The following STRN3 variants were observed in gnomAD, a reference collection of about 807,000 sequenced individuals.
The protein encoded by STRN3 is striatin 3.
A neutral mutation model predicts 95.6 loss-of-function variants in STRN3; 29 were observed. The observed-to-expected ratio is 0.30, with a 90% confidence interval of 0.23 to 0.41. The LOEUF (loss-of-function observed/expected upper bound fraction) is 0.41. Among genes scored for constraint, STRN3 ranks in the 10% least tolerant of loss-of-function variants. The pLI is 1.00. For synonymous variants in STRN3, 331 were observed against 357.6 expected, an observed-to-expected ratio of 0.93 and a Z score of 0.84; for missense variants, 890 against 972.1, an observed-to-expected ratio of 0.92 and a Z score of 1.12.
At chr14:30,973,602 ATAC>A (rs898504623) in intron 1 of STRN3, among the ~76,000 whole-genome samples, 25 of 152,196 alleles carry the variant, frequency 1.6e-4, no homozygotes, top group African/African-American at 5.5e-4. Context: ...AGAGAAGGGA[ATAC>A]TACCCAACTC....
chr14:30,937,022 CAA>C (rs905152794), intron 5 of STRN3, among the ~76,000 whole-genome samples: 27 of 152,116 alleles, frequency 1.8e-4, no homozygotes, highest in African/African-American at 6.3e-4. Flanking sequence ...CAGTAAATAC[CAA>C]AGTTTATCAG....
chr14:30,984,312 C>T (rs575175939), intron 1 of STRN3, among the ~76,000 whole-genome samples: 67 of 137,106 alleles, frequency 4.9e-4, no homozygotes, highest in African/African-American at 1.6e-3. Flanking sequence ...ATTAAAACTA[C>T]GCTGTTGCAT....
intron 1 of STRN3, among the ~76,000 whole-genome samples, chr14:30,982,679 G>A (rs1881471037): frequency 6.6e-6 from 1 of 152,174 alleles, no homozygotes; most frequent in African/African-American, 2.4e-5. Context: ...CAAGCATTAA[G>A]CCACAGATAA....
At chr14:30,917,578 T>C (rs1301322529) in intron 9 of STRN3, among the ~76,000 whole-genome samples, 2 of 151,728 alleles carry the variant, frequency 1.3e-5, no homozygotes, top group Non-Finnish European at 2.9e-5. Context: ...GGAGTTGCTA[T>C]GTGTATTTTA....
At chr14:31,006,877 G>A (rs1882743329) in intron 1 of STRN3, among the ~76,000 whole-genome samples, 1 of 151,940 alleles carries the variant, frequency 6.6e-6, no homozygotes, top group Admixed American at 6.6e-5. Context: ...TCTGGAGGTA[G>A]AAGTGGAAAG....
intron 1 of STRN3, among the ~76,000 whole-genome samples, chr14:30,958,979 C>T (rs946465589): frequency 1.1e-4 from 17 of 152,090 alleles, no homozygotes; most frequent in Admixed American, 5.9e-4. Context: ...AAATAATTTG[C>T]GAGAATTTAG....
intron 5 of STRN3, among the ~76,000 whole-genome samples, chr14:30,944,912 C>T (rs907948447): frequency 1.3e-5 from 2 of 151,914 alleles, no homozygotes; most frequent in Non-Finnish European, 1.5e-5. Context: ...TGTGCCCAGT[C>T]GACCAGAATA....
Position 31,025,885 on chromosome 14 carries a change from A to T in STRN3, c.282+19T>A, listed in dbSNP as rs1406910095. The T allele has an allele frequency of 6.3e-7, 1 of 1,592,790 alleles. No individual in the cohort carries two copies. The highest frequency in any genetic ancestry group is 8.5e-7 in the Non-Finnish European group (1 of 1,171,154). ...AACCCAGCCGCCGCAGCTCCCGCAC[A>T]CCGACCCCAACGAGGTACCTGCAGT... On this transcript the variant is annotated intron_variant, in intron 1 of 17. Coordinates refer to ENST00000357479, the MANE Select transcript of STRN3 (RefSeq NM_001083893.2).
At chr14:30,907,073 T>C (rs771455135) in intron 13 of STRN3, 29 bp from the exon 14 acceptor site, 1 of 1,595,056 alleles carries the variant, frequency 6.3e-7, no homozygotes, top group Admixed American at 1.8e-5. Flanking sequence ...AACAAAAAAT[T>C]AGGTAAAAGA....
chr14:30,922,341 T>A (rs1375228039), intron 8 of STRN3, among the ~76,000 whole-genome samples: 1 of 152,122 alleles, frequency 6.6e-6, no homozygotes, highest in Non-Finnish European at 1.5e-5. Flanking sequence ...AAAACTTTTC[T>A]ACTACTATGA....
chr14:30,944,773 C>T (rs965556197), intron 5 of STRN3, among the ~76,000 whole-genome samples: 2 of 151,430 alleles, frequency 1.3e-5, no homozygotes, highest in Non-Finnish European at 2.9e-5. Context: ...GTGCACCCAG[C>T]TAATTTTTAT....
rs989124645 is a variant in STRN3 at position 30,918,979 on chromosome 14, T to C, written c.1227A>G (p.Ala409=). 1.9e-6 allele frequency: 3 copies of C among 1,588,394 alleles called. No individual in the cohort carries two copies. The highest frequency in any genetic ancestry group is 2.3e-5 in the South Asian group (2 of 87,044). ...ASTRMTDHEG[A]RAEEAEPITF... ...TAAATTTTGTACCTTCCTCTGCTCT[T>C]GCACCTTCATGATCAGTCATTCTAG... is the stretch of plus-strand genomic sequence containing the variant. Residue 409 remains alanine (A), a synonymous_variant, in exon 9 of 18, where the codon GCA becomes GCG. Transcript: ENST00000357479.
At chr14:30,978,983 G>A (rs1324174219) in intron 1 of STRN3, among the ~76,000 whole-genome samples, 1 of 144,320 alleles carries the variant, frequency 6.9e-6, no homozygotes, top group East Asian at 2.1e-4. Flanking sequence ...GAAGTGGGCC[G>A]AGATCATGCC....
Position 30,935,518 on chromosome 14 carries a change from A to C in STRN3, c.847-214T>G, listed in dbSNP as rs1021872393. ...TTGATCTAAGTAATGTGGCACTAAA[A>C]ATGGTTTAAATGCTAATCATCAAGA... On this transcript the variant is annotated intron_variant, in intron 6 of 17. Coordinates refer to ENST00000357479, the MANE Select transcript of STRN3 (RefSeq NM_001083893.2). Among the ~76,000 whole-genome samples, 4 of 152,194 alleles carry C rather than the reference A, an allele frequency of 2.6e-5. No individual in the cohort carries two copies. The East Asian group carries it at 7.7e-4, about 29-fold the overall frequency.
intron 5 of STRN3, among the ~76,000 whole-genome samples, chr14:30,944,337 T>C (rs1358400011): frequency 6.6e-6 from 1 of 151,862 alleles, no homozygotes; most frequent in South Asian, 2.1e-4. Context: ...AATCACAGTA[T>C]AGAAAATAAG....
At chr14:30,924,212 CAA>C (rs200674481) in intron 8 of STRN3, among the ~76,000 whole-genome samples, 69 of 110,670 alleles carry the variant, frequency 6.2e-4, no homozygotes, top group African/African-American at 1.9e-3. Context: ...CTGAACTACT[CAA>C]AAAAAAAAAA....
chr14:31,014,796 A>G (rs1418452683), intron 1 of STRN3: 1 of 429,462 alleles, frequency 2.3e-6, no homozygotes, highest in Non-Finnish European at 4.6e-6. Context: ...TTTCATTACA[A>G]GAACACAAAA....
At chr14:31,008,383 C>T (rs1882816744) in intron 1 of STRN3, among the ~76,000 whole-genome samples, 1 of 151,932 alleles carries the variant, frequency 6.6e-6, no homozygotes, top group Non-Finnish European at 1.5e-5. Context: ...GAGTACACGC[C>T]TGTAGTCCCA....
intron 1 of STRN3, among the ~76,000 whole-genome samples, chr14:31,005,044 A>G (rs1882651482): frequency 6.6e-6 from 1 of 152,160 alleles, no homozygotes; most frequent in Non-Finnish European, 1.5e-5. Context: ...GCAAGAAAAA[A>G]GGAGCAGCAC....
Sources: allele counts gnomAD v4.1 joint callset (sites outside exome capture counted in the v4.1 genomes callset), GRCh38; gene constraint gnomAD v4.1.1; transcripts MANE v1.5; gene names NCBI Gene and HGNC (gene_info 2026-07-23, HGNC 2026-07-21).